ING5: variants seen among roughly 807,000 people sequenced by gnomAD.
ING5 encodes the protein inhibitor of growth family member 5.
Under a neutral mutation model 37.4 loss-of-function variants are expected in ING5, and 17 were observed. The observed-to-expected ratio is 0.45, with a 90% confidence interval of 0.31 to 0.68. ING5 has a LOEUF of 0.68. Among genes scored for constraint, ING5 ranks in the 30% least tolerant of loss-of-function variants. The pLI is 0.05. For missense variants in ING5, 233 were observed against 311.9 expected, an observed-to-expected ratio of 0.75 and a Z score of 1.91; for synonymous variants, 123 against 116.6, an observed-to-expected ratio of 1.06 and a Z score of -0.36.
upstream of ING5, among the ~76,000 whole-genome samples, chr2:241,698,272 C>A (rs2069659684): frequency 6.6e-6 from 1 of 151,974 alleles, no homozygotes; most frequent in African/African-American, 2.4e-5. Flanking sequence ...GTGAAACCCC[C>A]GTCTCTACTG....
chr2:241,691,401 T>C (rs1450576160), intron 2 of ING5, among the ~76,000 whole-genome samples: 1 of 151,618 alleles, frequency 6.6e-6, no homozygotes, highest in Non-Finnish European at 1.5e-5. Context: ...ATCATGCCAC[T>C]GCACTGCAGC....
chr2:241,711,334 T>G, intron 3 of ING5, 43 bp from the exon 4 acceptor site: 2 of 1,372,920 alleles, frequency 1.5e-6, no homozygotes, highest in Non-Finnish European at 1.9e-6. Flanking sequence ...TCTGAGGTGT[T>G]TTGGTTTTAC....
chr2:241,717,818 C>T (rs1290527797), intron 5 of ING5, among the ~76,000 whole-genome samples: 1 of 151,534 alleles, frequency 6.6e-6, no homozygotes, highest in Non-Finnish European at 1.5e-5. Flanking sequence ...CATCTTTGAA[C>T]TGTTGGTTTA....
intron 2 of ING5, among the ~76,000 whole-genome samples, chr2:241,707,723 T>C (rs535873957): frequency 1.2e-4 from 19 of 152,206 alleles, no homozygotes; most frequent in Non-Finnish European, 1.9e-4. Context: ...GCAACAATTA[T>C]AGATTGCTTA....
At chr2:241,722,180 G>A (rs544113637) in intron 5 of ING5, 295 of 985,424 alleles carry the variant, frequency 3.0e-4, no homozygotes, top group Non-Finnish European at 3.0e-4. Flanking sequence ...TTGACTGTGC[G>A]GGCTGCTCTG....
intron 5 of ING5, among the ~76,000 whole-genome samples, chr2:241,713,367 GTTTTTT>G (rs1166786436): frequency 2.0e-5 from 2 of 102,312 alleles, no homozygotes; most frequent in African/African-American, 8.0e-5. Flanking sequence ...CCAATTTTCA[GTTTTTT>G]TTTTTTTTTT....
At chr2:241,709,557 T>TTTG (rs2070040464) in intron 3 of ING5, among the ~76,000 whole-genome samples, 175 bp downstream of exon 3, 1 of 147,872 alleles carries the variant, frequency 6.8e-6, no homozygotes, top group African/African-American at 2.5e-5. Flanking sequence ...CCATCCCTGT[T>TTTG]TTTTTTTTTT....
intron 5 of ING5, chr2:241,720,337 G>A (rs2070399835): frequency 1.6e-6 from 2 of 1,214,564 alleles, no homozygotes; most frequent in South Asian, 4.3e-5. Flanking sequence ...GGCAGGTCCT[G>A]TTCCCTGCTG....
intron 2 of ING5, among the ~76,000 whole-genome samples, chr2:241,696,424 CA>C (rs980116479): frequency 6.6e-6 from 1 of 151,616 alleles, no homozygotes; most frequent in Non-Finnish European, 1.5e-5. Context: ...CCCCCCAAAA[CA>C]AAAAACAAAA....
Position 241,726,164 on chromosome 2 carries a change from G to T in ING5, c.*1133G>T, listed in dbSNP as rs552884926. On this transcript the variant is annotated 3_prime_UTR_variant, in exon 8 of 8. Coordinates refer to ENST00000313552, the MANE Select transcript of ING5 (RefSeq NM_032329.6). ...CAGGCGCTCGGAAATCCTCTCCCGTGCCTTTAGAGGAAGGAGAGGATTGCT... is the reference window on the plus strand; with the variant it reads ...CAGGCGCTCGGAAATCCTCTCCCGTTCCTTTAGAGGAAGGAGAGGATTGCT... 24 of 152,488 alleles carry T rather than the reference G, an allele frequency of 1.6e-4. 1 individual carries two copies. In the East Asian group the frequency reaches 3.5e-3, roughly 22 times the overall value. 9.4% of individuals were successfully genotyped at this position (152,488 alleles called of 1,614,324 possible). A position where few individuals can be genotyped will look rare whatever the true frequency, so the allele number is the denominator to read the frequency against.
intron 5 of ING5, chr2:241,719,950 ATC>A: frequency 1.6e-6 from 2 of 1,277,794 alleles, no homozygotes; most frequent in Non-Finnish European, 2.0e-6. Context: ...TTGTGTGTGA[ATC>A]TCTTTCTTCT....
intron 7 of ING5, chr2:241,723,773 T>C: frequency 6.3e-7 from 1 of 1,598,330 alleles, no homozygotes; most frequent in Non-Finnish European, 8.5e-7. Context: ...GGCAACTTTC[T>C]GCATTGTTGT....
intron 5 of ING5, chr2:241,719,640 C>G: frequency 6.5e-7 from 1 of 1,535,666 alleles, no homozygotes; most frequent in Non-Finnish European, 8.7e-7. Flanking sequence ...AATGCAGGCA[C>G]TGGGGGTCCT....
chr2:241,694,815 G>A (rs142152341), intron 2 of ING5, among the ~76,000 whole-genome samples: 3,360 of 141,082 alleles, frequency 0.024, 197 homozygotes, highest in East Asian at 0.2. Flanking sequence ...TCAGGAGTTC[G>A]AGACCAGCCT....
chr2:241,693,207 A>T (rs1241587843), intron 2 of ING5, among the ~76,000 whole-genome samples: 1 of 144,284 alleles, frequency 6.9e-6, no homozygotes, highest in Admixed American at 7.4e-5. Context: ...TGCAGCTGAG[A>T]TCGCCCTATT....
At chr2:241,689,660 C>A (rs1437714813) in intron 1 of ING5, among the ~76,000 whole-genome samples, 1 of 152,208 alleles carries the variant, frequency 6.6e-6, no homozygotes, top group Non-Finnish European at 1.5e-5. Flanking sequence ...AGAAGTAAAC[C>A]ATCGTGATTT....
intron 2 of ING5, among the ~76,000 whole-genome samples, chr2:241,691,619 C>T (rs1042727197): frequency 1.3e-5 from 2 of 152,156 alleles, no homozygotes; most frequent in African/African-American, 4.8e-5. Context: ...CATTTATTGG[C>T]TGGAAGTCCA....
At chr2:241,703,430 A>G (rs2069805160) in intron 1 of ING5, among the ~76,000 whole-genome samples, 1 of 152,064 alleles carries the variant, frequency 6.6e-6, no homozygotes, top group African/African-American at 2.4e-5. Context: ...GGGGTAACAA[A>G]GCAGACGCGA....
intron 5 of ING5, among the ~76,000 whole-genome samples, chr2:241,713,367 GTTTTTTT>G (rs1166786436): frequency 9.8e-6 from 1 of 102,312 alleles, no homozygotes; most frequent in Non-Finnish European, 1.9e-5. Flanking sequence ...CCAATTTTCA[GTTTTTTT>G]TTTTTTTTTT....
Sources: allele counts gnomAD v4.1 joint callset (sites outside exome capture counted in the v4.1 genomes callset), GRCh38; gene constraint gnomAD v4.1.1; transcripts MANE v1.5; gene names NCBI Gene and HGNC (gene_info 2026-07-23, HGNC 2026-07-21).